MAML2: variants seen among roughly 807,000 people sequenced by gnomAD.
MAML2 encodes the protein mastermind like transcriptional coactivator 2, also known as mastermind-like protein 2.
MAML2 carries 22 observed loss-of-function variants against 96.1 expected under a neutral mutation model. That is an observed-to-expected ratio of 0.23 (90% CI 0.16 to 0.33). The LOEUF is 0.33. Ranked by LOEUF, MAML2 falls within the 10% of genes least tolerant of loss-of-function variation. The pLI is 1.00. For synonymous variants in MAML2, 561 were observed against 521.3 expected, an observed-to-expected ratio of 1.08 and a Z score of -1.04; for missense variants, 1,367 against 1,392.4, an observed-to-expected ratio of 0.98 and a Z score of 0.29.
intron 1 of MAML2, among the ~76,000 whole-genome samples, chr11:96,299,027 A>G (rs1863343092): frequency 7.6e-6 from 1 of 131,622 alleles, no homozygotes; most frequent in African/African-American, 2.8e-5. Flanking sequence ...CCTGGGCAAC[A>G]GAGCGAGAGT....
intron 2 of MAML2, among the ~76,000 whole-genome samples, chr11:96,021,908 A>G (rs1858442258): frequency 6.6e-6 from 1 of 152,182 alleles, no homozygotes; most frequent in Non-Finnish European, 1.5e-5. Flanking sequence ...GCTGGGCTCC[A>G]GGTGCAACCC....
At chr11:96,206,121 G>A (rs1449836738) in intron 1 of MAML2, among the ~76,000 whole-genome samples, 1 of 150,828 alleles carries the variant, frequency 6.6e-6, no homozygotes, top group East Asian at 1.9e-4. Flanking sequence ...AAGTTTTTAT[G>A]TGTTATCTAG....
At chr11:96,158,097 G>T (rs1490023973) in intron 1 of MAML2, among the ~76,000 whole-genome samples, 1 of 152,152 alleles carries the variant, frequency 6.6e-6, no homozygotes, top group African/African-American at 2.4e-5. Context: ...CAAGTCCTGT[G>T]GGGAAGGCAA....
chr11:96,333,259 C>T (rs1229345844), intron 1 of MAML2, among the ~76,000 whole-genome samples: 1 of 151,286 alleles, frequency 6.6e-6, no homozygotes, highest in Non-Finnish European at 1.5e-5. Context: ...CTGTTAAAAA[C>T]AAAACAACCC....
At chr11:96,177,073 T>G (rs1252008691) in intron 1 of MAML2, among the ~76,000 whole-genome samples, 1 of 152,164 alleles carries the variant, frequency 6.6e-6, no homozygotes, top group East Asian at 1.9e-4. Context: ...GAGTCACATA[T>G]GTAAAACAGA....
intron 1 of MAML2, among the ~76,000 whole-genome samples, chr11:96,203,472 T>C (rs942886780): frequency 6.6e-6 from 1 of 152,230 alleles, no homozygotes; most frequent in Non-Finnish European, 1.5e-5. Context: ...TGGCTGTACA[T>C]TTATTAAGCT....
At chr11:96,021,755 T>C (rs540039095) in intron 2 of MAML2, among the ~76,000 whole-genome samples, 2 of 152,320 alleles carry the variant, frequency 1.3e-5, no homozygotes, top group East Asian at 3.9e-4. Flanking sequence ...TTCTGTGTTT[T>C]AGCCATTGAG....
At chr11:96,329,946 CA>C (rs1863831993) in intron 1 of MAML2, among the ~76,000 whole-genome samples, 1 of 152,184 alleles carries the variant, frequency 6.6e-6, no homozygotes, top group African/African-American at 2.4e-5. Flanking sequence ...AGATCGAATG[CA>C]ATTACATTGC....
At chr11:96,264,316 A>G (rs1237331808) in intron 1 of MAML2, among the ~76,000 whole-genome samples, 7 of 152,212 alleles carry the variant, frequency 4.6e-5, no homozygotes, top group Non-Finnish European at 1.0e-4. Context: ...TCAGTTTAGT[A>G]TCTGGAAACC....
rs115535355 is a variant in MAML2, at chr11:96,086,080, G to A, written c.2139+5812C>T. On this transcript the variant is annotated intron_variant, in intron 2 of 4. Coordinates refer to ENST00000524717, the MANE Select transcript of MAML2 (RefSeq NM_032427.4). ...ATGGATTGTTAAGGATTGAGAAAAC[G>A]TAATGTAATTACTCAATGGGAATTC... is the stretch of plus-strand genomic sequence containing the variant. 4.6e-5 allele frequency among the ~76,000 whole-genome samples: 7 copies of A among 152,286 alleles called. 1 individual carries two copies. Among genetic ancestry groups the A allele is most frequent in the South Asian group, 4.1e-4 (2 of 4,828 alleles).
chr11:96,093,290 T>C lies in MAML2; in HGVS notation c.741A>G (p.Pro247=). 8.1e-6 allele frequency: 13 copies of C among 1,614,044 alleles called. No individual in the cohort carries two copies. The highest frequency in any genetic ancestry group is 1.1e-5 in the Non-Finnish European group (13 of 1,179,894). Residue 247 remains proline (P), a synonymous_variant, in exon 2 of 5, where the codon CCA becomes CCG. Transcript: ENST00000524717. ...CATTGCCAGGAGAATGTGTATGGGA[T>C]GGCAGAGTGTTAGTCTTTCGCAGGG... The part of the protein sequence containing the change: ...QAPLRKTNTL[P]SHTHSPGNGL...
intron 1 of MAML2, among the ~76,000 whole-genome samples, chr11:96,132,943 C>A (rs1860569557): frequency 6.6e-6 from 1 of 152,088 alleles, no homozygotes; most frequent in African/African-American, 2.4e-5. Flanking sequence ...GATGACCATG[C>A]CCAACATACT....
chr11:96,196,351 A>T (rs970226656), intron 1 of MAML2, among the ~76,000 whole-genome samples: 1 of 152,116 alleles, frequency 6.6e-6, no homozygotes, highest in Non-Finnish European at 1.5e-5. Flanking sequence ...GGCTTAAAAA[A>T]CCTTTTTCAA....
Position 95,979,415 on chromosome 11 carries a change from G to C in MAML2, c.3004C>G (p.Gln1002Glu). The change falls in exon 5 of 5, where the codon CAG becomes GAG. Residue 1002 changes from glutamine to glutamate, a missense_variant. By Grantham distance (29) the Gln-to-Glu change is conservative. Coordinates refer to ENST00000524717, the MANE Select transcript of MAML2 (RefSeq NM_032427.4). ...GAAAATTGCTGGCTACCTACTGCCT[G>C]TTGCAGTGACTGATTTGGGGTATAG... is the stretch of plus-strand genomic sequence containing the variant. ...AAYTPNQSLQ[Q>E]AVGSQQFSQR... is the part of the protein sequence containing the mutation. 6.2e-7 allele frequency: 1 copy of C among 1,613,640 alleles called. No individual in the cohort carries two copies. The highest frequency in any genetic ancestry group is 8.5e-7 in the Non-Finnish European group (1 of 1,179,734).
intron 2 of MAML2, among the ~76,000 whole-genome samples, chr11:96,079,800 A>G (rs1471897248): frequency 1.3e-5 from 2 of 152,216 alleles, no homozygotes; most frequent in Non-Finnish European, 2.9e-5. Context: ...AGAAACAGGG[A>G]ACCTGATCAA....
intron 1 of MAML2, among the ~76,000 whole-genome samples, chr11:96,218,986 C>G (rs1004811813): frequency 2.8e-4 from 43 of 152,196 alleles, no homozygotes; most frequent in African/African-American, 8.7e-4. Flanking sequence ...GATTGTAGGT[C>G]TGCAAAATTC....
chr11:96,131,006 A>G (rs1474365767), intron 1 of MAML2, among the ~76,000 whole-genome samples: 3 of 152,166 alleles, frequency 2.0e-5, no homozygotes, highest in African/African-American at 7.2e-5. Context: ...CAAAAGCATA[A>G]ATTTCATAAC....
chr11:96,237,875 T>C (rs1245285173), intron 1 of MAML2, among the ~76,000 whole-genome samples: 1 of 152,230 alleles, frequency 6.6e-6, no homozygotes. Context: ...AACACTTTGT[T>C]TGAATGCATC....
intron 2 of MAML2, among the ~76,000 whole-genome samples, chr11:96,005,572 A>G (rs953209890): frequency 6.6e-6 from 1 of 152,226 alleles, no homozygotes; most frequent in African/African-American, 2.4e-5. Flanking sequence ...TAATGAACAA[A>G]TAATAGATTG....
Sources: allele counts gnomAD v4.1 joint callset (sites outside exome capture counted in the v4.1 genomes callset), GRCh38; gene constraint gnomAD v4.1.1; transcripts MANE v1.5; gene names NCBI Gene and HGNC (gene_info 2026-07-23, HGNC 2026-07-21).